The following TENM3 variants were observed in gnomAD, a reference collection of about 807,000 sequenced individuals.
TENM3 encodes teneurin-3.
Under a neutral mutation model 255.1 loss-of-function variants are expected in TENM3, and 63 were observed. The observed-to-expected ratio is 0.25, with a 90% CI of 0.20 to 0.30. The LOEUF is 0.30. Among genes scored for constraint, TENM3 ranks in the 10% least tolerant of loss-of-function variants. The pLI is 1.00. For missense variants in TENM3, 2,929 were observed against 3,461.1 expected (o/e 0.85, Z 3.86); for synonymous variants, 1,306 against 1,322.3 (o/e 0.99, Z 0.27).
rs28721469 is a variant in TENM3 at position 182,328,464 on chromosome 4, C to T, written c.232+4212C>T. The stretch of plus-strand genomic sequence containing the variant: ...CTCCTGACCTCAGGTGATCCGCCCA[C>T]CTCGGCCTCCCAAAGTGCTAGGATT... On this transcript the variant is annotated intron_variant, in intron 2 of 27. Coordinates refer to ENST00000511685, the MANE Select transcript of TENM3 (RefSeq NM_001080477.4). Among the ~76,000 whole-genome samples the T allele has an allele frequency of 1.3e-3, 195 of 152,248 alleles. 1 individual carries two copies. The highest frequency in any genetic ancestry group is 4.4e-3 in the African/African-American group (182 of 41,552).
At chr4:182,006,632 T>C in the TENM3 span, among the ~76,000 whole-genome samples, 4 of 152,112 alleles carry the variant, frequency 2.6e-5, no homozygotes, top group East Asian at 3.8e-4. Flanking sequence ...TCTTTATTAG[T>C]CTAGCTAGCA....
intron 13 of TENM3, 28 bp from the exon 14 acceptor site, chr4:182,728,937 T>C (rs1472680985): frequency 6.3e-7 from 1 of 1,591,804 alleles, no homozygotes. Context: ...AGGAAAATTC[T>C]CTTACTGGGG....
chr4:181,821,044 T>G, the TENM3 span, among the ~76,000 whole-genome samples: 1 of 152,166 alleles, frequency 6.6e-6, no homozygotes, highest in African/African-American at 2.4e-5. Flanking sequence ...AGTGGAATAT[T>G]CTCTGAGGAA....
the TENM3 span, among the ~76,000 whole-genome samples, chr4:181,716,256 T>G: frequency 1.3e-5 from 2 of 152,218 alleles, no homozygotes; most frequent in African/African-American, 2.4e-5. Flanking sequence ...AAACCAATTT[T>G]AATAAAGTAA....
intron 3 of TENM3, among the ~76,000 whole-genome samples, chr4:182,401,337 G>C (rs988206100): frequency 2.0e-5 from 3 of 152,080 alleles, no homozygotes; most frequent in Non-Finnish European, 4.4e-5. Flanking sequence ...TTAATTATTT[G>C]TTTGGTGGTT....
At chr4:182,738,631 A>G (rs962250732) in intron 18 of TENM3, 87 bp downstream of exon 18, 5 of 1,156,238 alleles carry the variant, frequency 4.3e-6, no homozygotes, top group African/African-American at 3.1e-5. Flanking sequence ...ATGAGATTGT[A>G]GCAACATTTT....
At chr4:181,787,646 T>A in the TENM3 span, among the ~76,000 whole-genome samples, 1 of 152,042 alleles carries the variant, frequency 6.6e-6, no homozygotes, top group African/African-American at 2.4e-5. Context: ...GGCCCATCCA[T>A]CCTTAACATT....
intron 1 of TENM3, among the ~76,000 whole-genome samples, chr4:182,181,891 G>GTTT (rs56082218): frequency 6.2e-5 from 9 of 144,308 alleles, no homozygotes; most frequent in Non-Finnish European, 1.1e-4. Flanking sequence ...CTAATGTCCT[G>GTTT]TTTTTTTTTT....
chr4:181,619,918 G>A, the TENM3 span, among the ~76,000 whole-genome samples: 1 of 152,172 alleles, frequency 6.6e-6, no homozygotes, highest in Non-Finnish European at 1.5e-5. Context: ...TGAAACTTTA[G>A]GCATTTGACA....
chr4:181,919,883 C>A, the TENM3 span, among the ~76,000 whole-genome samples: 1 of 109,398 alleles, frequency 9.1e-6, no homozygotes, highest in Non-Finnish European at 1.8e-5. Context: ...TCCCTCCCCC[C>A]TCCCCCCACC....
rs563836018 is a variant in TENM3 at position 182,714,203 on chromosome 4, C to T, written c.2338C>T (p.Leu780Phe). ...GAGCDVAMET[L>F]CTDSKDNEGD... ...AGGCTGTGACGTAGCCATGGAGACT[C>T]TTTGCACAGATAGCAAGGACAATGA... The change falls in exon 13 of 28, where the codon CTT (leucine) becomes TTT (phenylalanine). Residue 780 changes from leucine to phenylalanine, a missense_variant. By Grantham distance (22) the Leu-to-Phe change is conservative. Coordinates refer to ENST00000511685, the MANE Select transcript of TENM3 (RefSeq NM_001080477.4). The T allele has an allele frequency of 6.2e-7, 1 of 1,611,742 alleles. No homozygotes were observed. The highest frequency in any genetic ancestry group is 1.3e-5 in the African/African-American group (1 of 74,524).
At chr4:181,898,778 T>C in the TENM3 span, among the ~76,000 whole-genome samples, 1 of 152,176 alleles carries the variant, frequency 6.6e-6, no homozygotes, top group Non-Finnish European at 1.5e-5. Context: ...GGCCCAAACT[T>C]TCTGCTTGTA....
chr4:182,488,923 A>G (rs1735011549), intron 3 of TENM3, among the ~76,000 whole-genome samples: 1 of 152,160 alleles, frequency 6.6e-6, no homozygotes, highest in Admixed American at 6.6e-5. Context: ...ACCTGGGCCT[A>G]ACAGTCATTT....
intron 3 of TENM3, among the ~76,000 whole-genome samples, chr4:182,364,439 C>T (rs561092446): frequency 3.9e-5 from 6 of 152,028 alleles, no homozygotes; most frequent in South Asian, 2.1e-4. Flanking sequence ...TTTTTTGAGA[C>T]GGAGTCTCAC....
chr4:181,547,583 C>G, the TENM3 span, among the ~76,000 whole-genome samples: 2 of 151,884 alleles, frequency 1.3e-5, no homozygotes, highest in African/African-American at 4.8e-5. Flanking sequence ...TTTCTGAACA[C>G]CAGGAGTAAA....
chr4:181,827,926 A>T, the TENM3 span, among the ~76,000 whole-genome samples: 21 of 152,130 alleles, frequency 1.4e-4, no homozygotes, highest in Non-Finnish European at 2.8e-4. Flanking sequence ...AGTAGTGGGA[A>T]CCAATTCATT....
intron 1 of TENM3, among the ~76,000 whole-genome samples, chr4:182,227,506 G>C (rs866806077): frequency 2.0e-5 from 3 of 152,136 alleles, no homozygotes; most frequent in African/African-American, 7.2e-5. Context: ...TTCCCAAACC[G>C]TAGGCGTCAG....
intron 3 of TENM3, among the ~76,000 whole-genome samples, chr4:182,577,472 C>T (rs1323432991): frequency 6.6e-6 from 1 of 152,250 alleles, no homozygotes; most frequent in South Asian, 2.1e-4. Flanking sequence ...TATCAGCCCA[C>T]GAGGCATTTC....
the TENM3 span, among the ~76,000 whole-genome samples, chr4:181,935,896 G>T: frequency 6.6e-6 from 1 of 152,170 alleles, no homozygotes; most frequent in Admixed American, 6.5e-5. Flanking sequence ...TTCCAGATCT[G>T]GGTTCCGAAT....
Sources: allele counts gnomAD v4.1 joint callset (sites outside exome capture counted in the v4.1 genomes callset), GRCh38; gene constraint gnomAD v4.1.1; transcripts MANE v1.5; gene names NCBI Gene and HGNC (gene_info 2026-07-23, HGNC 2026-07-21).